KCNQ1: variants seen among roughly 807,000 people sequenced by gnomAD.
KCNQ1 encodes potassium voltage-gated channel subfamily KQT member 1.
In KCNQ1, 49 loss-of-function variants were observed where a neutral mutation model predicts 72.4. The ratio of observed to expected loss-of-function variants is 0.68; its 90% CI spans 0.54 to 0.86. KCNQ1 has a LOEUF of 0.86. Among genes scored for constraint, KCNQ1 ranks in the 40% least tolerant of loss-of-function variants. KCNQ1 has a pLI of 0.00. For synonymous variants in KCNQ1, 450 were observed against 412.6 expected, an observed-to-expected ratio of 1.09 and a Z score of -1.10; for missense variants, 790 against 945.1, an observed-to-expected ratio of 0.84 and a Z score of 2.15.
At chr11:2,730,953 C>A (rs78688069) in intron 11 of KCNQ1, among the ~76,000 whole-genome samples, 1,680 of 152,316 alleles carry the variant, frequency 0.011, 16 homozygotes, top group Non-Finnish European at 0.019. Context: ...GAGCCCCGGC[C>A]CAGCCTCCTC....
At chr11:2,796,815 G>A (rs990717388) in intron 15 of KCNQ1, among the ~76,000 whole-genome samples, 10 of 152,314 alleles carry the variant, frequency 6.6e-5, no homozygotes, top group African/African-American at 1.9e-4. Context: ...CTGCTGCGCC[G>A]TCCCTCCTGC....
At chr11:2,686,279 G>A (rs1036220082) in intron 11 of KCNQ1, 7 of 398,610 alleles carry the variant, frequency 1.8e-5, no homozygotes, top group African/African-American at 1.0e-4. Flanking sequence ...ACTGCCACTG[G>A]CTTGGGAGGC....
At chr11:2,527,866 C>G in intron 1 of KCNQ1, 62 bp from the exon 2 acceptor site, 1 of 1,487,860 alleles carries the variant, frequency 6.7e-7, no homozygotes, top group Non-Finnish European at 9.4e-7. Flanking sequence ...CCTCCACTCC[C>G]CAGGTGCATC....
chr11:2,463,465 C>T lies in KCNQ1; in HGVS notation c.386+17981C>T, dbSNP rs1013354732. On this transcript the variant is annotated intron_variant, in intron 1 of 15. Transcript: ENST00000155840. The surrounding 1 kb of genome is among the most constrained non-coding windows in gnomAD (Gnocchi z 7.0). ...GGTTGTCCTTGGTGCAGGTGGCGGG[C>T]GGGGCTGGGGGGCTCTGTAGCCTTC... 9.2e-5 allele frequency among the ~76,000 whole-genome samples: 14 copies of T among 152,228 alleles called. No homozygotes were observed. Among genetic ancestry groups the T allele is most frequent in the Admixed American group, 5.2e-4 (8 of 15,296 alleles).
chr11:2,539,141 G>A (rs1381070369), intron 2 of KCNQ1, among the ~76,000 whole-genome samples: 1 of 152,170 alleles, frequency 6.6e-6, no homozygotes, highest in Non-Finnish European at 1.5e-5. Flanking sequence ...CCTCTGGGGG[G>A]CAAGGTGCCT....
Position 2,621,748 on chromosome 11 carries a change from T to A in KCNQ1, c.1393+32894T>A, listed in dbSNP as rs973687948. Reference sequence around the variant, plus strand: ...GTAATATATTCTCCATTTTCATTTCTGATTTTGTCCTCTTTCTTAGTCCAA... The same window carrying A: ...GTAATATATTCTCCATTTTCATTTCAGATTTTGTCCTCTTTCTTAGTCCAA... On this transcript the variant is annotated intron_variant, in intron 10 of 15. Transcript: ENST00000155840. This position sits in a 1 kb window ranked among gnomAD's most constrained non-coding sequence, Gnocchi z 5.7. 2.0e-5 allele frequency: 8 copies of A among 398,306 alleles called. No individual in the cohort carries two copies. Among genetic ancestry groups the A allele is most frequent in the African/African-American group, 4.1e-5 (2 of 48,636 alleles). The allele number at this position is 398,306 out of a possible 1,614,324, so 24.7% of individuals were successfully genotyped here.
intron 10 of KCNQ1, chr11:2,625,557 C>A: frequency 2.5e-6 from 1 of 397,048 alleles, no homozygotes; most frequent in Non-Finnish European, 4.4e-6. Flanking sequence ...TTTGGAGATA[C>A]GTCTGTCCAA....
rs1355190797 is a variant in KCNQ1, at chr11:2,759,530, T to C, written c.1515-9314T>C. Among the ~76,000 whole-genome samples the C allele has an allele frequency of 6.6e-6, 1 of 152,138 alleles. No individual in the cohort carries two copies. Among genetic ancestry groups the C allele is most frequent in the East Asian group, 1.9e-4 (1 of 5,192 alleles). On this transcript the variant is annotated intron_variant, in intron 11 of 15. Transcript: ENST00000155840. This position sits in a 1 kb window ranked among gnomAD's most constrained non-coding sequence, Gnocchi z 4.4. ...CTCTGTGTCTCCTAGGACGCACAGG[T>C]GTGGGACCTCACTGCGCGGGAGGGA...
chr11:2,568,220 C>T (rs1254606602), intron 2 of KCNQ1, among the ~76,000 whole-genome samples: 2 of 152,138 alleles, frequency 1.3e-5, no homozygotes, highest in Non-Finnish European at 2.9e-5. Flanking sequence ...TTGCAGTGAG[C>T]CGAGATCACG....
At chr11:2,812,339 C>T (rs1267332084) in intron 15 of KCNQ1, among the ~76,000 whole-genome samples, 1 of 152,124 alleles carries the variant, frequency 6.6e-6, no homozygotes, top group Non-Finnish European at 1.5e-5. Flanking sequence ...GCTTCCTTCT[C>T]TCCTTCCTCC....
chr11:2,548,495 C>G (rs545269452), intron 2 of KCNQ1, among the ~76,000 whole-genome samples: 1 of 152,318 alleles, frequency 6.6e-6, no homozygotes, highest in African/African-American at 2.4e-5. Flanking sequence ...TTTATATTCC[C>G]TTTCTCAGCC....
intron 10 of KCNQ1, chr11:2,635,714 G>C (rs1456304837): frequency 6.6e-6 from 1 of 152,108 alleles, no homozygotes; most frequent in Non-Finnish European, 1.5e-5. Flanking sequence ...TTCCAATTCT[G>C]TGAAGAAAGT....
At chr11:2,630,484 C>G in intron 10 of KCNQ1, 1 of 398,192 alleles carries the variant, frequency 2.5e-6, no homozygotes, top group East Asian at 3.6e-5. Context: ...CTTATACTTC[C>G]CCCGCTACAT....
In KCNQ1 at chr11:2,662,174, A is replaced by G. The variant is rs866713670; in HGVS notation, c.1514+93A>G. 7.3e-5 allele frequency: 114 copies of G among 1,563,524 alleles called. No individual in the cohort carries two copies. In the Middle Eastern group the frequency reaches 1.6e-3, roughly 22 times the overall value. On this transcript the variant is annotated intron_variant, in intron 11 of 15. Coordinates refer to ENST00000155840, the MANE Select transcript of KCNQ1 (RefSeq NM_000218.3). ...GCTGGGGAAGCCTTGCTCTCTGGCC[A>G]GAGTGCTATCTACTCGCCTAGTGCC...
intron 3 of KCNQ1, 108 bp downstream of exon 3, chr11:2,570,862 A>T: frequency 1.3e-6 from 2 of 1,514,978 alleles, no homozygotes; most frequent in Middle Eastern, 1.7e-4. Context: ...GGGGAACCCC[A>T]AGGCCAGCAG....
In KCNQ1 at chr11:2,762,391, G is replaced by A. The variant is rs531406189; in HGVS notation, c.1515-6453G>A. ...TGGGTTAACTTTGTGACCGGTGTGT[G>A]GTAAGGATCATGGTTGACATACTTT... On this transcript the variant is annotated intron_variant, in intron 11 of 15. Transcript: ENST00000155840. The surrounding 1 kb of genome is among the most constrained non-coding windows in gnomAD (Gnocchi z 4.3). Among the ~76,000 whole-genome samples the A allele has an allele frequency of 6.6e-6, 1 of 152,286 alleles. No individual in the cohort carries two copies. Among genetic ancestry groups the A allele is most frequent in the South Asian group, 2.1e-4 (1 of 4,822 alleles).
chr11:2,698,650 A>G lies in KCNQ1; in HGVS notation c.1514+36569A>G, dbSNP rs1003435638. On this transcript the variant is annotated intron_variant, in intron 11 of 15. Transcript: ENST00000155840. The surrounding 1 kb of genome is among the most constrained non-coding windows in gnomAD (Gnocchi z 5.1). Reference sequence around the variant, plus strand: ...ACTGAGACCTCTAACCCCAATCCCAATCTCTTAACTCAGAGCCCCCCATTC... The same window carrying G: ...ACTGAGACCTCTAACCCCAATCCCAGTCTCTTAACTCAGAGCCCCCCATTC... 1.8e-5 allele frequency: 7 copies of G among 397,876 alleles called. No individual in the cohort carries two copies. The highest frequency in any genetic ancestry group is 4.4e-5 in the Admixed American group (1 of 22,634). The allele number at this position is 397,876 out of a possible 1,614,324, so 24.6% of individuals were successfully genotyped here.
intron 1 of KCNQ1, among the ~76,000 whole-genome samples, chr11:2,519,139 C>T (rs1031033945): frequency 5.3e-5 from 8 of 152,304 alleles, no homozygotes; most frequent in South Asian, 2.1e-4. Context: ...TGAGAAGTGG[C>T]GGTCCCTGAA....
At chr11:2,629,905 GTATT>G in intron 10 of KCNQ1, 2 of 398,280 alleles carry the variant, frequency 5.0e-6, no homozygotes, top group Non-Finnish European at 8.9e-6. Flanking sequence ...TGATTTGAGT[GTATT>G]TATTTATTTT....
Sources: gnomAD v4.1 joint callset for allele counts (sites outside exome capture counted in the v4.1 genomes callset) on GRCh38, gnomAD v4.1.1 for gene constraint, Gnocchi (gnomAD v3.1) non-coding constraint, MANE v1.5 for transcripts, NCBI Gene and HGNC (gene_info 2026-07-23, HGNC 2026-07-21) for gene names.